ABCE1: variants seen among roughly 807,000 people sequenced by gnomAD.
ABCE1 encodes ATP-binding cassette sub-family E member 1.
Under a neutral mutation model 83.4 loss-of-function variants are expected in ABCE1, and 22 were observed. The observed-to-expected ratio is 0.26, with a 90% CI of 0.19 to 0.38. The LOEUF (loss-of-function observed/expected upper bound fraction) is 0.38. Among genes scored for constraint, ABCE1 ranks in the 10% least tolerant of loss-of-function variants. The probability of loss-of-function intolerance (pLI) is 1.00; values close to 1 mark genes in which losing one functional copy is unlikely to be tolerated. For missense variants in ABCE1, 330 were observed against 721.9 expected, an observed-to-expected ratio of 0.46 and a Z score of 6.22; for synonymous variants, 204 against 233.7, an observed-to-expected ratio of 0.87 and a Z score of 1.16.
intron 4 of ABCE1, among the ~76,000 whole-genome samples, chr4:145,108,669 A>C (rs922742877): frequency 2.0e-5 from 3 of 152,138 alleles, no homozygotes; most frequent in African/African-American, 7.2e-5. Context: ...TAAGGGGCCT[A>C]CTGCAGCAGG....
chr4:145,104,478 A>G lies in ABCE1; in HGVS notation c.66A>G (p.Arg22=). The G allele has an allele frequency of 1.2e-6, 2 of 1,603,188 alleles. No individual in the cohort carries two copies. Among genetic ancestry groups the G allele is most frequent in the Non-Finnish European group, 1.7e-6 (2 of 1,175,238 alleles). The change falls in exon 2 of 18, where the codon CGA becomes CGG. Residue 22 remains arginine (R), a synonymous_variant. Transcript: ENST00000296577. Reference sequence around the variant, plus strand: ...ACAAATGTAAACCTAAGAAATGTCGACAGGAATGCAAAAAGAGTTGTCCTG... The same window carrying G: ...ACAAATGTAAACCTAAGAAATGTCGGCAGGAATGCAAAAAGAGTTGTCCTG... The part of the protein sequence containing the change: ...NHDKCKPKKC[R]QECKKSCPVV...
chr4:145,116,838 T>C lies in ABCE1; in HGVS notation c.801-455T>C, dbSNP rs116470353. Among the ~76,000 whole-genome samples, 672 of 152,064 alleles carry C rather than the reference T, an allele frequency of 4.4e-3. 9 individuals are homozygous for C. The highest frequency in any genetic ancestry group is 0.015 in the African/African-American group (620 of 41,544). Reference sequence around the variant, plus strand: ...TTTTTTGTTACCATTTCATACCTATTCCTTGTCTTCCCCAGCTAAATGGAA... The same window carrying C: ...TTTTTTGTTACCATTTCATACCTATCCCTTGTCTTCCCCAGCTAAATGGAA... On this transcript the variant is annotated intron_variant, in intron 9 of 17. Transcript: ENST00000296577.
rs1373079654 is a variant in ABCE1, at chr4:145,104,454, C to G, written c.42C>G (p.Asp14Glu). The G allele has an allele frequency of 6.2e-7, 1 of 1,601,244 alleles. No individual in the cohort carries two copies. The highest frequency in any genetic ancestry group is 8.5e-7 in the Non-Finnish European group (1 of 1,174,366). ...KLTRIAIVNH[D>E]KCKPKKCRQE... The stretch of plus-strand genomic sequence containing the variant: ...CGAGAATTGCTATTGTCAACCATGA[C>G]AAATGTAAACCTAAGAAATGTCGAC... The change falls in exon 2 of 18, where the codon GAC (aspartate) becomes GAG (glutamate). Residue 14 changes from aspartate (D) to glutamate (E), a missense_variant. Physicochemically the swap from Asp to Glu is conservative, Grantham distance 45. Transcript: ENST00000296577.
chr4:145,126,528 C>G (rs1338589117), intron 17 of ABCE1, among the ~76,000 whole-genome samples: 2 of 152,144 alleles, frequency 1.3e-5, no homozygotes, highest in Non-Finnish European at 2.9e-5. Flanking sequence ...AACTCCTGAC[C>G]TAGTGTTCCA....
At chr4:145,109,731 A>G (rs769969808) in intron 5 of ABCE1, among the ~76,000 whole-genome samples, 10 of 152,216 alleles carry the variant, frequency 6.6e-5, no homozygotes, top group Non-Finnish European at 1.2e-4. Context: ...CAAATAAATC[A>G]TAAGTGTATT....
Position 145,128,913 on chromosome 4 carries a change from T to G in ABCE1, c.*1340T>G, listed in dbSNP as rs1455617217. 1 of 152,152 alleles carries G rather than the reference T, an allele frequency of 6.6e-6. No individual in the cohort carries two copies. Among genetic ancestry groups the G allele is most frequent in the Non-Finnish European group, 1.5e-5 (1 of 68,018 alleles). The allele number at this position is 152,152 out of a possible 1,614,324, so 9.4% of individuals were successfully genotyped here. On this transcript the variant is annotated 3_prime_UTR_variant, in exon 18 of 18. Transcript: ENST00000296577. ...CCCATAAATACATGTTGTAAAAAATTCAAATATACAGAATGGAATAAAAAA... is the reference window on the plus strand; with the variant it reads ...CCCATAAATACATGTTGTAAAAAATGCAAATATACAGAATGGAATAAAAAA...
chr4:145,109,656 T>C (rs1029994693), intron 5 of ABCE1, among the ~76,000 whole-genome samples: 3 of 152,202 alleles, frequency 2.0e-5, no homozygotes, highest in Non-Finnish European at 2.9e-5. Flanking sequence ...AAGTTAGATA[T>C]TTTTATTTGT....
chr4:145,107,104 TCTTGTTC>T (rs1749327672), intron 3 of ABCE1, among the ~76,000 whole-genome samples: 1 of 152,156 alleles, frequency 6.6e-6, no homozygotes, highest in Admixed American at 6.5e-5. Flanking sequence ...TTTTTGCTGT[TCTTGTTC>T]CTTGGACAGT....
chr4:145,105,059 C>G (rs6852390), intron 2 of ABCE1, among the ~76,000 whole-genome samples: 1 of 152,080 alleles, frequency 6.6e-6, no homozygotes, highest in East Asian at 1.9e-4. Context: ...GAATTACTGA[C>G]TCTTAGAATT....
At chr4:145,104,298 A>G in intron 1 of ABCE1, 88 bp from the exon 2 acceptor site, 2 of 491,834 alleles carry the variant, frequency 4.1e-6, no homozygotes, top group South Asian at 4.5e-5. Context: ...ATCTCCATAT[A>G]ATGATCATTT....
At chr4:145,107,411 T>C (rs1749340653) in intron 3 of ABCE1, among the ~76,000 whole-genome samples, 1 of 152,148 alleles carries the variant, frequency 6.6e-6, no homozygotes, top group African/African-American at 2.4e-5. Flanking sequence ...TTGGAAAGAA[T>C]ATAAAGCCAT....
chr4:145,117,039 T>C (rs1749626059), intron 9 of ABCE1, among the ~76,000 whole-genome samples: 1 of 151,930 alleles, frequency 6.6e-6, no homozygotes, highest in South Asian at 2.1e-4. Flanking sequence ...TATTTCGAAA[T>C]ATGTTTCTTA....
At chr4:145,105,147 T>C (rs1030758805) in intron 2 of ABCE1, among the ~76,000 whole-genome samples, 1 of 152,104 alleles carries the variant, frequency 6.6e-6, no homozygotes, top group South Asian at 2.1e-4. Flanking sequence ...CCTACTACCA[T>C]GTTTAATTTT....
intron 13 of ABCE1, chr4:145,121,595 C>T (rs534808754): frequency 5.5e-4 from 266 of 486,764 alleles, no homozygotes; most frequent in African/African-American, 4.4e-3. Context: ...CATCTTTGGC[C>T]GGGTGCAGTA....
At chr4:145,109,078 G>A in intron 4 of ABCE1, 54 bp from the exon 5 acceptor site, 1 of 1,234,640 alleles carries the variant, frequency 8.1e-7, no homozygotes, top group Non-Finnish European at 1.2e-6. Context: ...GATGTTATGT[G>A]GCTTTTTCTG....
chr4:145,126,592 C>T (rs1001506587), intron 17 of ABCE1, among the ~76,000 whole-genome samples: 1 of 152,044 alleles, frequency 6.6e-6, no homozygotes, highest in African/African-American at 2.4e-5. Flanking sequence ...ACCATGCTGG[C>T]CATCATTTCT....
At chr4:145,113,158 C>T (rs1196006424) in intron 9 of ABCE1, among the ~76,000 whole-genome samples, 2 of 152,192 alleles carry the variant, frequency 1.3e-5, no homozygotes, top group Non-Finnish European at 2.9e-5. Context: ...TTAACATCCA[C>T]TCATGGGCAA....
At chr4:145,114,602 C>G (rs1484821889) in intron 9 of ABCE1, among the ~76,000 whole-genome samples, 1 of 151,726 alleles carries the variant, frequency 6.6e-6, no homozygotes, top group East Asian at 1.9e-4. Flanking sequence ...ATTAAAAGAT[C>G]AGTAACTATT....
chr4:145,105,243 A>G (rs915952926), intron 2 of ABCE1, among the ~76,000 whole-genome samples: 2 of 152,092 alleles, frequency 1.3e-5, no homozygotes, highest in African/African-American at 4.8e-5. Context: ...CTGCCTTACC[A>G]TTTTCAAGGC....
Sources: allele counts gnomAD v4.1 joint callset (sites outside exome capture counted in the v4.1 genomes callset), GRCh38; gene constraint gnomAD v4.1.1; transcripts MANE v1.5; gene names NCBI Gene and HGNC (gene_info 2026-07-23, HGNC 2026-07-21).